Variants in ATP2C1 observed in about 807,000 individuals in gnomAD.
ATP2C1 encodes ATPase secretory pathway Ca2+ transporting 1.
In ATP2C1, 31 loss-of-function variants were observed where a neutral mutation model predicts 120.5. That is an observed-to-expected ratio of 0.26 (90% CI 0.19 to 0.35). The LOEUF is 0.35. Ranked by LOEUF, ATP2C1 falls within the 10% of genes least tolerant of loss-of-function variation. The pLI is 1.00. For synonymous variants in ATP2C1, 351 were observed against 358.7 expected (o/e 0.98, Z 0.24); for missense variants, 731 against 1,107.5 (o/e 0.66, Z 4.83).
intron 22 of ATP2C1, among the ~76,000 whole-genome samples, chr3:130,995,222 T>G (rs554667312): frequency 6.6e-6 from 1 of 152,168 alleles, no homozygotes; most frequent in African/African-American, 2.4e-5. Context: ...GAAACCAGCC[T>G]AGGCAACATG....
chr3:130,922,092 C>CT (rs1000781835), intron 2 of ATP2C1, among the ~76,000 whole-genome samples: 24 of 150,992 alleles, frequency 1.6e-4, no homozygotes, highest in Admixed American at 9.9e-4. Context: ...TGGTACTGGA[C>CT]TTTTTTTTTG....
intron 20 of ATP2C1, among the ~76,000 whole-genome samples, chr3:130,987,642 T>G (rs1577003103): frequency 6.6e-6 from 1 of 152,246 alleles, no homozygotes; most frequent in African/African-American, 2.4e-5. Context: ...GTTTGCTGCT[T>G]TTGCTTCACA....
intron 26 of ATP2C1, chr3:131,015,282 GC>G: frequency 1.4e-6 from 1 of 695,408 alleles, no homozygotes; most frequent in Non-Finnish European, 2.6e-6. Flanking sequence ...AAATAGACAA[GC>G]CCCTCCCCCC....
chr3:130,945,018 A>AT (rs755415495), intron 8 of ATP2C1, among the ~76,000 whole-genome samples: 66 of 152,000 alleles, frequency 4.3e-4, no homozygotes, highest in Admixed American at 2.0e-3. Context: ...TTACTGTTGT[A>AT]TTTTTTTTAT....
intron 11 of ATP2C1, among the ~76,000 whole-genome samples, chr3:130,958,535 A>AT (rs1293139652): frequency 3.3e-5 from 5 of 152,176 alleles, no homozygotes; most frequent in African/African-American, 1.2e-4. Context: ...GAAAAAAAAA[A>AT]CTTGTCTTAA....
chr3:130,932,217 GA>G, intron 4 of ATP2C1, 79 bp downstream of exon 4: 1 of 926,400 alleles, frequency 1.1e-6, no homozygotes, highest in Non-Finnish European at 1.8e-6. Flanking sequence ...TTACTTTTGT[GA>G]TACTGTTTAT....
At chr3:130,954,888 G>A in intron 9 of ATP2C1, 124 bp from the exon 10 acceptor site, 2 of 724,218 alleles carry the variant, frequency 2.8e-6, no homozygotes, top group Non-Finnish European at 2.5e-6. Flanking sequence ...GGAAATCTTA[G>A]GAGTGTGTAT....
intron 1 of ATP2C1, among the ~76,000 whole-genome samples, chr3:130,865,016 C>T (rs571687046): frequency 7.2e-5 from 11 of 152,194 alleles, no homozygotes; most frequent in Admixed American, 1.3e-4. Flanking sequence ...CAGCTTGCAC[C>T]GTGCTCCTAG....
At chr3:130,961,990 C>A (rs867129952) in intron 12 of ATP2C1, among the ~76,000 whole-genome samples, 1 of 151,970 alleles carries the variant, frequency 6.6e-6, no homozygotes, top group Non-Finnish European at 1.5e-5. Flanking sequence ...AAAAAAGAAA[C>A]AGGTATTCTC....
At position 130,937,471 on chromosome 3, in the gene ATP2C1, C is replaced by T; in HGVS notation, c.360+8C>T. On this transcript the variant is annotated splice_region_variant and intron_variant, in intron 6 of 27. Transcript: ENST00000510168. ...ACAGTTGCCTTTGTTCAGGTAAGTA[C>T]TCTATTTTGCCAACATGAAAATGGT... 6.2e-7 allele frequency: 1 copy of T among 1,612,216 alleles called. No homozygotes were observed. The highest frequency in any genetic ancestry group is 2.2e-5 in the East Asian group (1 of 44,844).
chr3:130,968,189 C>T (rs1340747103), intron 16 of ATP2C1, among the ~76,000 whole-genome samples: 1 of 152,114 alleles, frequency 6.6e-6, no homozygotes, highest in Non-Finnish European at 1.5e-5. Context: ...CAGAAAAGCA[C>T]ATTTCTGTAT....
chr3:130,877,055 G>A (rs922288749), intron 1 of ATP2C1, among the ~76,000 whole-genome samples: 1 of 152,140 alleles, frequency 6.6e-6, no homozygotes, highest in South Asian at 2.1e-4. Context: ...TCTGCAAACA[G>A]GGACAATTTG....
At chr3:130,850,991 C>A in intron 1 of ATP2C1, 3 of 908,986 alleles carry the variant, frequency 3.3e-6, no homozygotes, top group South Asian at 3.3e-5. Context: ...GCTTTTACGT[C>A]GCTTAGTGAT....
chr3:130,885,404 G>A (rs1317744575), intron 1 of ATP2C1, among the ~76,000 whole-genome samples: 2 of 151,840 alleles, frequency 1.3e-5, no homozygotes, highest in Non-Finnish European at 2.9e-5. Context: ...TTGTTTTGTG[G>A]TCTTCTCTTC....
At chr3:130,920,118 T>C (rs1191294403) in intron 2 of ATP2C1, among the ~76,000 whole-genome samples, 1 of 152,212 alleles carries the variant, frequency 6.6e-6, no homozygotes, top group African/African-American at 2.4e-5. Context: ...TGCAAATATT[T>C]TCTCTCATTC....
At chr3:130,994,170 A>G (rs531522284) in intron 22 of ATP2C1, 72 bp downstream of exon 22, 1 of 1,557,420 alleles carries the variant, frequency 6.4e-7, no homozygotes, top group Non-Finnish European at 8.8e-7. Flanking sequence ...CCCCTAGAGA[A>G]TTCAACTGGA....
chr3:130,875,371 T>TGAGCTCATGTATGG (rs2068567887), intron 1 of ATP2C1, among the ~76,000 whole-genome samples: 1 of 152,234 alleles, frequency 6.6e-6, no homozygotes, highest in East Asian at 1.9e-4. Context: ...GGTGTGAACA[T>TGAGCTCATGTATGG]GTGTTATTTA....
At chr3:130,913,972 G>A (rs762502726) in intron 2 of ATP2C1, among the ~76,000 whole-genome samples, 36 of 151,966 alleles carry the variant, frequency 2.4e-4, no homozygotes, top group Non-Finnish European at 4.1e-4. Flanking sequence ...ATTGTTTTCC[G>A]AGGATTAAGT....
chr3:130,980,568 C>G lies in ATP2C1; in HGVS notation c.1742-14C>G, dbSNP rs763957650. 1.1e-5 allele frequency: 18 copies of G among 1,600,948 alleles called. No individual in the cohort carries two copies. The highest frequency in any genetic ancestry group is 1.3e-5 in the African/African-American group (1 of 74,622). ...CAATTTGGTTTATTACATTTTCTCT[C>G]TCATTTGCTTTAGCCAGTCGTCTGG... On this transcript the variant is annotated splice_polypyrimidine_tract_variant and intron_variant, in intron 19 of 27. Transcript: ENST00000510168.
Sources: gnomAD v4.1 joint callset for allele counts (sites outside exome capture counted in the v4.1 genomes callset) on GRCh38, gnomAD v4.1.1 for gene constraint, MANE v1.5 for transcripts, NCBI Gene and HGNC (gene_info 2026-07-23, HGNC 2026-07-21) for gene names.